PLXDC2: variants seen among roughly 807,000 people sequenced by gnomAD.
PLXDC2 encodes the protein plexin domain containing 2.
In PLXDC2, 40 loss-of-function variants were observed where a neutral mutation model predicts 68.9. The observed-to-expected ratio is 0.58, with a 90% CI of 0.45 to 0.76. PLXDC2 has a LOEUF of 0.76. Among genes scored for constraint, PLXDC2 ranks in the 30% least tolerant of loss-of-function variants. PLXDC2 has a pLI of 0.00. For synonymous variants in PLXDC2, 243 were observed against 234.2 expected (o/e 1.04, Z -0.34); for missense variants, 644 against 661.9 (o/e 0.97, Z 0.30).
intron 7 of PLXDC2, 29 bp downstream of exon 7, chr10:20,164,596 G>A (rs1178707666): frequency 2.6e-6 from 4 of 1,524,740 alleles, no homozygotes; most frequent in Non-Finnish European, 1.8e-6. Context: ...GTCGCAATGA[G>A]TGAGCCTCTG....
Position 20,129,515 on chromosome 10 carries a change from A to G in PLXDC2, c.542-13780A>G, listed in dbSNP as rs528874573. Among the ~76,000 whole-genome samples, 5 of 120,602 alleles carry G rather than the reference A, an allele frequency of 4.1e-5. No individual in the cohort carries two copies. The East Asian group carries it at 1.1e-3, about 26-fold the overall frequency. 79.1% of individuals were successfully genotyped at this position (120,602 alleles called of 152,430 possible). A position where few individuals can be genotyped will look rare whatever the true frequency, so the allele number is the denominator to read the frequency against. Reference sequence around the variant, plus strand: ...TGTTTTGTTTTAGGGGTCATCCCATATATACATACACATATATATATATAC... The same window carrying G: ...TGTTTTGTTTTAGGGGTCATCCCATGTATACATACACATATATATATATAC... On this transcript the variant is annotated intron_variant, in intron 4 of 13. Coordinates refer to ENST00000377252, the MANE Select transcript of PLXDC2 (RefSeq NM_032812.9).
chr10:19,834,352 AGAGT>A (rs957604886), intron 1 of PLXDC2, among the ~76,000 whole-genome samples: 1 of 147,626 alleles, frequency 6.8e-6, no homozygotes, highest in Non-Finnish European at 1.5e-5. Flanking sequence ...AGAGAGAGAG[AGAGT>A]GTGTGTGTGT....
rs1836188794 is a variant in PLXDC2, at chr10:20,288,486, CACT to C, written c.*8669_*8671del. ...GTAAAAATGATTGTATCTGAATCTG[CACT>C]AATGGTGTCTGAGAGCAAAAAGAGT... On this transcript the variant is annotated 3_prime_UTR_variant, in exon 14 of 14. Coordinates refer to ENST00000377252, the MANE Select transcript of PLXDC2 (RefSeq NM_032812.9). The C allele has an allele frequency of 6.6e-6, 1 of 151,982 alleles. No individual in the cohort carries two copies. Among genetic ancestry groups the C allele is most frequent in the Non-Finnish European group, 1.5e-5 (1 of 68,020 alleles). 9.4% of individuals were successfully genotyped at this position (151,982 alleles called of 1,614,324 possible). A position where few individuals can be genotyped will look rare whatever the true frequency, so the allele number is the denominator to read the frequency against.
At chr10:20,157,830 C>G (rs1270436255) in intron 6 of PLXDC2, among the ~76,000 whole-genome samples, 1 of 152,114 alleles carries the variant, frequency 6.6e-6, no homozygotes, top group African/African-American at 2.4e-5. Flanking sequence ...AAAAATTATA[C>G]TGTTATTTAA....
chr10:20,216,305 C>A (rs1052192999), intron 10 of PLXDC2, among the ~76,000 whole-genome samples: 1 of 152,002 alleles, frequency 6.6e-6, no homozygotes, highest in Admixed American at 6.6e-5. Flanking sequence ...GATTTCAGAT[C>A]TAAAACATTT....
chr10:19,872,012 A>G (rs759433982), intron 1 of PLXDC2, among the ~76,000 whole-genome samples: 2 of 152,108 alleles, frequency 1.3e-5, no homozygotes, highest in Non-Finnish European at 2.9e-5. Context: ...CTGGATGGGT[A>G]CCTGGCATGT....
intron 6 of PLXDC2, 22 bp from the exon 7 acceptor site, chr10:20,164,446 T>TA (rs761754970): frequency 6.4e-7 from 1 of 1,567,148 alleles, no homozygotes; most frequent in African/African-American, 1.4e-5. Context: ...AACATATAGT[T>TA]ACCTGCTTTG....
At chr10:19,952,567 G>A (rs1370677704) in intron 1 of PLXDC2, among the ~76,000 whole-genome samples, 2 of 152,190 alleles carry the variant, frequency 1.3e-5, no homozygotes, top group African/African-American at 4.8e-5. Context: ...CCATTTAGCA[G>A]TCAAAAACCC....
intron 1 of PLXDC2, among the ~76,000 whole-genome samples, chr10:19,873,475 A>G (rs1564615636): frequency 6.7e-6 from 1 of 149,508 alleles, no homozygotes; most frequent in Non-Finnish European, 1.5e-5. Context: ...CAGTGGCACA[A>G]TCATGGCTCA....
At chr10:20,164,597 T>A in intron 7 of PLXDC2, 30 bp downstream of exon 7, 1 of 1,524,172 alleles carries the variant, frequency 6.6e-7, no homozygotes, top group Non-Finnish European at 9.1e-7. Flanking sequence ...TCGCAATGAG[T>A]GAGCCTCTGT....
intron 1 of PLXDC2, among the ~76,000 whole-genome samples, chr10:19,976,636 C>T (rs1042128544): frequency 2.6e-5 from 4 of 152,134 alleles, no homozygotes; most frequent in Admixed American, 6.5e-5. Context: ...GGGTATAATT[C>T]TTTCATTGCA....
chr10:19,876,755 T>C (rs1314486302), intron 1 of PLXDC2, among the ~76,000 whole-genome samples: 2 of 152,178 alleles, frequency 1.3e-5, no homozygotes, highest in Non-Finnish European at 1.5e-5. Flanking sequence ...CAGTGTTTCA[T>C]AGATTTTTGA....
intron 1 of PLXDC2, among the ~76,000 whole-genome samples, chr10:19,938,825 A>G (rs542009402): frequency 3.3e-5 from 5 of 152,340 alleles, no homozygotes; most frequent in Admixed American, 3.3e-4. Context: ...AGGAAGATTA[A>G]ACTGGCAGTT....
intron 1 of PLXDC2, among the ~76,000 whole-genome samples, chr10:19,951,256 A>G (rs1302490627): frequency 1.3e-5 from 2 of 152,206 alleles, no homozygotes; most frequent in Admixed American, 6.5e-5. Context: ...ACAAATGTCT[A>G]ATATCCAAAA....
chr10:20,001,365 G>A (rs750355780), intron 1 of PLXDC2, among the ~76,000 whole-genome samples: 7 of 152,020 alleles, frequency 4.6e-5, no homozygotes, highest in Non-Finnish European at 8.8e-5. Context: ...AAATTAATGA[G>A]GTCTGACTTT....
intron 9 of PLXDC2, among the ~76,000 whole-genome samples, chr10:20,190,052 T>G (rs1834744097): frequency 6.6e-6 from 1 of 151,862 alleles, no homozygotes; most frequent in Non-Finnish European, 1.5e-5. Flanking sequence ...TGAGTACCAT[T>G]TGGCAAACTG....
At chr10:19,966,138 T>C (rs1297241524) in intron 1 of PLXDC2, among the ~76,000 whole-genome samples, 1 of 150,140 alleles carries the variant, frequency 6.7e-6, no homozygotes, top group Non-Finnish European at 1.5e-5. Flanking sequence ...TCTTTATATA[T>C]ATAGTATATA....
At chr10:20,227,366 A>T (rs1835300327) in intron 12 of PLXDC2, among the ~76,000 whole-genome samples, 1 of 152,222 alleles carries the variant, frequency 6.6e-6, no homozygotes, top group Admixed American at 6.5e-5. Flanking sequence ...AAATGAAATT[A>T]CAAGAATAGG....
chr10:20,261,878 C>T (rs899253354), intron 13 of PLXDC2, among the ~76,000 whole-genome samples: 1 of 151,834 alleles, frequency 6.6e-6, no homozygotes, highest in Non-Finnish European at 1.5e-5. Context: ...AATAATAGAG[C>T]AAAGAATAAT....
Sources: allele counts gnomAD v4.1 joint callset (sites outside exome capture counted in the v4.1 genomes callset), GRCh38; gene constraint gnomAD v4.1.1; transcripts MANE v1.5; gene names NCBI Gene and HGNC (gene_info 2026-07-23, HGNC 2026-07-21).